Variants in RALB observed in about 807,000 individuals in gnomAD.
The protein encoded by RALB is ras-related protein Ral-B.
Under a neutral mutation model 21.3 loss-of-function variants are expected in RALB, and 16 were observed. The ratio of observed to expected loss-of-function variants is 0.75; its 90% CI spans 0.51 to 1.14. The LOEUF (loss-of-function observed/expected upper bound fraction) is 1.14, where lower values mean the gene tolerates loss of function less well. RALB is among the 50% of genes most tolerant of loss of function. The pLI is 0.00. For missense variants in RALB, 161 were observed against 256.2 expected (o/e 0.63, Z 2.54); for synonymous variants, 93 against 96.1 (o/e 0.97, Z 0.19).
intron 1 of RALB, among the ~76,000 whole-genome samples, chr2:120,258,671 A>G (rs1325239426): frequency 6.6e-6 from 1 of 152,230 alleles, no homozygotes. Flanking sequence ...GGCAGAGAAG[A>G]TGGAAGAAGT....
chr2:120,250,988 A>G (rs755206923), upstream of RALB, among the ~76,000 whole-genome samples: 1 of 152,202 alleles, frequency 6.6e-6, no homozygotes, highest in South Asian at 2.1e-4. Context: ...TGAAAGCAGC[A>G]TTTCTCAGAA....
At chr2:120,248,173 T>A (rs1489247428), upstream of RALB, among the ~76,000 whole-genome samples, 1 of 152,174 alleles carries the variant, frequency 6.6e-6, no homozygotes, top group African/African-American at 2.4e-5. Flanking sequence ...TGTTCCCCCA[T>A]CTGTAGATTG....
At chr2:120,250,882 T>C (rs540885013), upstream of RALB, among the ~76,000 whole-genome samples, 8 of 152,228 alleles carry the variant, frequency 5.3e-5, no homozygotes, top group Non-Finnish European at 1.2e-4. Context: ...CTGAATATAC[T>C]GCACAGCTCA....
intron 1 of RALB, among the ~76,000 whole-genome samples, chr2:120,256,913 A>G (rs1422355609): frequency 1.3e-5 from 2 of 152,206 alleles, no homozygotes; most frequent in South Asian, 2.1e-4. Flanking sequence ...TTTCTTTCAG[A>G]TGTTTACTGA....
chr2:120,272,861 A>AT (rs1305905682), intron 1 of RALB, among the ~76,000 whole-genome samples: 1 of 152,070 alleles, frequency 6.6e-6, no homozygotes, highest in Non-Finnish European at 1.5e-5. Flanking sequence ...CATAGAATTT[A>AT]TTATCTTGTA....
intron 2 of RALB, among the ~76,000 whole-genome samples, chr2:120,281,492 C>G (rs901672131): frequency 2.0e-5 from 3 of 152,118 alleles, no homozygotes; most frequent in Non-Finnish European, 4.4e-5. Flanking sequence ...TCCAGTATTA[C>G]GTGTGTAATT....
chr2:120,267,012 G>A (rs1368334456), intron 1 of RALB, among the ~76,000 whole-genome samples: 2 of 151,948 alleles, frequency 1.3e-5, no homozygotes, highest in African/African-American at 4.8e-5. Flanking sequence ...AAGGTGAGGA[G>A]GAAATATTGC....
chr2:120,258,388 C>G (rs151135899), intron 1 of RALB, among the ~76,000 whole-genome samples: 2 of 151,894 alleles, frequency 1.3e-5, no homozygotes, highest in African/African-American at 2.4e-5. Context: ...TGCAGGCACG[C>G]GTGATTGGGG....
rs1690382801 is a variant in RALB, at chr2:120,294,700, A to G, written c.*1440A>G. 2 of 155,190 alleles carry G rather than the reference A, an allele frequency of 1.3e-5. No homozygotes were observed. Among genetic ancestry groups the G allele is most frequent in the African/African-American group, 4.8e-5 (2 of 41,582 alleles). The allele number at this position is 155,190 out of a possible 1,614,324, so 9.6% of individuals were successfully genotyped here. On this transcript the variant is annotated 3_prime_UTR_variant, in exon 5 of 5. Transcript: ENST00000272519. ...GGGCTTTTTTTTTGAATAAAAAAGC[A>G]GACAAATAGACTTTCTCGGGATTTC...
intron 1 of RALB, among the ~76,000 whole-genome samples, chr2:120,261,795 G>A (rs905395476): frequency 2.6e-5 from 4 of 152,198 alleles, no homozygotes; most frequent in African/African-American, 4.8e-5. Context: ...TGCAGAGAGA[G>A]AGTGCTGGAG....
chr2:120,273,020 T>TAGAG (rs1689703672), intron 1 of RALB, among the ~76,000 whole-genome samples: 2 of 152,196 alleles, frequency 1.3e-5, no homozygotes, highest in African/African-American at 4.8e-5. Flanking sequence ...GTTTCTTATC[T>TAGAG]CTAATACCCT....
In RALB at chr2:120,268,462, C is replaced by T. The variant is rs551166787; in HGVS notation, c.-47-10156C>T. ...AAGGTATAGAGAATAGTACATAATG[C>T]GCTACCTTGTCACCATCAGTCAATG... On this transcript the variant is annotated intron_variant, in intron 1 of 4. Transcript: ENST00000272519. 3.8e-4 allele frequency among the ~76,000 whole-genome samples: 58 copies of T among 152,276 alleles called. 1 individual carries two copies. Among genetic ancestry groups the T allele is most frequent in the Admixed American group, 1.1e-3 (17 of 15,290 alleles).
intron 1 of RALB, among the ~76,000 whole-genome samples, chr2:120,241,917 T>C (rs1688902595): frequency 6.6e-6 from 1 of 152,172 alleles, no homozygotes; most frequent in East Asian, 1.9e-4. Context: ...CACTTCTGAG[T>C]GTATACCCGA....
Position 120,294,154 on chromosome 2 carries a change from G to A in RALB, c.*894G>A, listed in dbSNP as rs1452716584. 6 of 398,462 alleles carry A rather than the reference G, an allele frequency of 1.5e-5. No homozygotes were observed. The highest frequency in any genetic ancestry group is 3.6e-5 in the East Asian group (1 of 28,084). 24.7% of individuals were successfully genotyped at this position (398,462 alleles called of 1,614,324 possible). ...CTGTCTGATCAGCATCACTGCACAC[G>A]GAGGTCTAGTGAGCCTCTTGCTAAG... On this transcript the variant is annotated 3_prime_UTR_variant, in exon 5 of 5. Transcript: ENST00000272519.
At chr2:120,276,945 T>C (rs1279186223) in intron 1 of RALB, among the ~76,000 whole-genome samples, 1 of 152,136 alleles carries the variant, frequency 6.6e-6, no homozygotes, top group Non-Finnish European at 1.5e-5. Context: ...TTTATTCTTG[T>C]GTTTTGGTAT....
At chr2:120,255,444 A>C (rs768875011) in intron 1 of RALB, among the ~76,000 whole-genome samples, 1 of 152,192 alleles carries the variant, frequency 6.6e-6, no homozygotes, top group East Asian at 1.9e-4. Context: ...AAGCCATACC[A>C]GTTAAATATG....
chr2:120,253,157 C>T (rs1246478631), intron 1 of RALB, 177 bp downstream of exon 1: 1 of 376,188 alleles, frequency 2.7e-6, no homozygotes, highest in Non-Finnish European at 3.7e-6. Flanking sequence ...CCCCGCTCCG[C>T]TCCGGGAGGA....
chr2:120,273,620 T>C (rs556277806), intron 1 of RALB, among the ~76,000 whole-genome samples: 1 of 152,234 alleles, frequency 6.6e-6, no homozygotes, highest in South Asian at 2.1e-4. Flanking sequence ...ACTATTATTA[T>C]CCTTGTTAAA....
In RALB at chr2:120,293,363, C is replaced by A; in HGVS notation, c.*103C>A. ...TCTTGCTTGTGCTTCCCACTCTCCC[C>A]GACTTCATTCACTCAAACTTCTTTA... On this transcript the variant is annotated 3_prime_UTR_variant, in exon 5 of 5. Transcript: ENST00000272519. 8.1e-7 allele frequency: 1 copy of A among 1,228,422 alleles called. No homozygotes were observed. The highest frequency in any genetic ancestry group is 1.1e-6 in the Non-Finnish European group (1 of 931,830). The allele number at this position is 1,228,422 out of a possible 1,614,324, so 76.1% of individuals were successfully genotyped here. A position where few individuals can be genotyped will look rare whatever the true frequency, so the allele number is the denominator to read the frequency against.
Sources: allele counts gnomAD v4.1 joint callset (sites outside exome capture counted in the v4.1 genomes callset), GRCh38; gene constraint gnomAD v4.1.1; transcripts MANE v1.5; gene names NCBI Gene and HGNC (gene_info 2026-07-23, HGNC 2026-07-21).